CAST: variants seen among roughly 807,000 people sequenced by gnomAD.
The protein encoded by CAST is MIR583 host.
In CAST, 76 loss-of-function variants were observed where a neutral mutation model predicts 119.6. That is an observed-to-expected ratio of 0.64 (90% CI 0.53 to 0.77). The LOEUF (loss-of-function observed/expected upper bound fraction) is 0.77, where lower values mean the gene tolerates loss of function less well. Among genes scored for constraint, CAST ranks in the 30% least tolerant of loss-of-function variants. CAST has a pLI of 0.00. For missense variants in CAST, 953 were observed against 946.5 expected (o/e 1.01, Z -0.09); for synonymous variants, 319 against 331.6 (o/e 0.96, Z 0.41).
At chr5:96,456,830 G>T in the CAST span, among the ~76,000 whole-genome samples, 1 of 152,164 alleles carries the variant, frequency 6.6e-6, no homozygotes, top group Admixed American at 6.5e-5. Flanking sequence ...AATCATGGGG[G>T]TAGTTCCCCC....
the CAST span, among the ~76,000 whole-genome samples, chr5:96,463,473 C>T: frequency 6.6e-6 from 1 of 152,062 alleles, no homozygotes; most frequent in African/African-American, 2.4e-5. Context: ...CAGGTCCTTC[C>T]TGGTTTTCCA....
the CAST span, among the ~76,000 whole-genome samples, chr5:96,469,464 T>C: frequency 9.9e-5 from 15 of 152,168 alleles, no homozygotes; most frequent in Admixed American, 2.0e-4. Flanking sequence ...TTTTTTTTCC[T>C]ATTGGCTAGG....
intron 1 of CAST, among the ~76,000 whole-genome samples, chr5:96,561,817 G>C (rs1746376206): frequency 2.1e-4 from 2 of 9,402 alleles, no homozygotes; most frequent in African/African-American, 3.7e-4. Flanking sequence ...TTTTGAGACG[G>C]AGTCTCGCTC....
chr5:96,505,444 A>G, the CAST span, among the ~76,000 whole-genome samples: 1 of 152,112 alleles, frequency 6.6e-6, no homozygotes, highest in African/African-American at 2.4e-5. Context: ...CCGCCACTGC[A>G]CTCCAGCCTG....
the CAST span, among the ~76,000 whole-genome samples, chr5:96,087,720 A>T: frequency 6.6e-6 from 1 of 152,174 alleles, no homozygotes; most frequent in East Asian, 1.9e-4. Flanking sequence ...TTAGTGACTG[A>T]TTTGGCGGGA....
chr5:96,545,905 T>A (rs1246317241), intron 1 of CAST, among the ~76,000 whole-genome samples: 1 of 152,250 alleles, frequency 6.6e-6, no homozygotes, highest in African/African-American at 2.4e-5. Context: ...CTATCTTTAG[T>A]CTAACCACAT....
the CAST span, among the ~76,000 whole-genome samples, chr5:96,493,866 C>G: frequency 6.6e-6 from 1 of 151,946 alleles, no homozygotes; most frequent in Non-Finnish European, 1.5e-5. Flanking sequence ...AAAACCTTGT[C>G]TCTACTAAAA....
At chr5:96,438,014 T>C in the CAST span, among the ~76,000 whole-genome samples, 1 of 152,166 alleles carries the variant, frequency 6.6e-6, no homozygotes, top group African/African-American at 2.4e-5. Flanking sequence ...ATGATAGCAA[T>C]TCATACTTCG....
At chr5:96,127,605 A>G in the CAST span, among the ~76,000 whole-genome samples, 1 of 152,224 alleles carries the variant, frequency 6.6e-6, no homozygotes, top group Non-Finnish European at 1.5e-5. Flanking sequence ...GTCTTTCTAC[A>G]GAATATTAAA....
intron 1 of CAST, among the ~76,000 whole-genome samples, chr5:96,569,120 C>G (rs1043306357): frequency 3.3e-5 from 5 of 152,128 alleles, no homozygotes; most frequent in Non-Finnish European, 1.5e-5. Flanking sequence ...TTCTAGGTAC[C>G]AAACCAATAC....
chr5:96,349,159 C>CTTTTTTTTTTTT, the CAST span, among the ~76,000 whole-genome samples: 1 of 12,708 alleles, frequency 7.9e-5, no homozygotes. Flanking sequence ...TTTTTTTTTG[C>CTTTTTTTTTTTT]TAGTTATCAG....
At chr5:96,263,188 T>C in the CAST span, among the ~76,000 whole-genome samples, 1 of 152,160 alleles carries the variant, frequency 6.6e-6, no homozygotes, top group African/African-American at 2.4e-5. Context: ...GATTCTAATG[T>C]GCAGACAGGG....
chr5:96,222,480 C>T, the CAST span, among the ~76,000 whole-genome samples: 3 of 152,060 alleles, frequency 2.0e-5, no homozygotes, highest in Non-Finnish European at 4.4e-5. Flanking sequence ...CAAAAGAAGA[C>T]ATACAAATGG....
intron 28 of CAST, 26 bp from the exon 29 acceptor site, chr5:96,767,881 G>A: frequency 6.7e-7 from 1 of 1,496,712 alleles, no homozygotes; most frequent in East Asian, 2.3e-5. Flanking sequence ...CTTCTTCACT[G>A]ATGGTTATTT....
At chr5:95,978,496 GT>G in the CAST span, among the ~76,000 whole-genome samples, 102 of 150,880 alleles carry the variant, frequency 6.8e-4, no homozygotes, top group African/African-American at 2.3e-3. Context: ...TTATGTGGTT[GT>G]TTTTTTTTCT....
At chr5:96,498,869 A>G in the CAST span, among the ~76,000 whole-genome samples, 4 of 152,070 alleles carry the variant, frequency 2.6e-5, no homozygotes, top group Admixed American at 2.0e-4. Context: ...TGGGGCTACA[A>G]AGGACGAGTT....
the CAST span, among the ~76,000 whole-genome samples, chr5:96,168,010 C>T: frequency 6.6e-5 from 10 of 152,072 alleles, no homozygotes; most frequent in Non-Finnish European, 1.5e-4. Flanking sequence ...AAGAGGTGGG[C>T]TAGTGGCTTG....
the CAST span, among the ~76,000 whole-genome samples, chr5:96,423,830 TC>T: frequency 5.9e-5 from 9 of 152,316 alleles, 2 homozygotes; most frequent in African/African-American, 2.2e-4. Flanking sequence ...TCCCCCCAAA[TC>T]CTGATTCTCC....
the CAST span, among the ~76,000 whole-genome samples, chr5:96,002,479 G>T: frequency 5.9e-5 from 9 of 152,206 alleles, no homozygotes; most frequent in African/African-American, 2.2e-4. Context: ...TAAGTTGAAA[G>T]CAGAGGAAGA....
Sources: allele counts gnomAD v4.1 joint callset (sites outside exome capture counted in the v4.1 genomes callset), GRCh38; gene constraint gnomAD v4.1.1; transcripts MANE v1.5; gene names NCBI Gene and HGNC (gene_info 2026-07-23, HGNC 2026-07-21).